The following CHRDL1 variants were observed in gnomAD, a reference collection of about 807,000 sequenced individuals.
The protein encoded by CHRDL1 is chordin like 1.
A neutral mutation model predicts 40.9 loss-of-function variants in CHRDL1; 19 were observed. The observed-to-expected ratio is 0.46, with a 90% CI of 0.32 to 0.68. The LOEUF (loss-of-function observed/expected upper bound fraction) is 0.68, where lower values mean the gene tolerates loss of function less well. Among genes scored for constraint, CHRDL1 ranks in the 30% least tolerant of loss-of-function variants. CHRDL1 has a pLI of 0.03. For synonymous variants in CHRDL1, 136 were observed against 123.4 expected (o/e 1.10, Z -0.68); for missense variants, 329 against 352.1 (o/e 0.93, Z 0.53).
intron 2 of CHRDL1, among the ~76,000 whole-genome samples, chrX:110,775,842 T>C (rs1025624676): frequency 9.0e-6 from 1 of 111,200 alleles, no homozygotes; most frequent in African/African-American, 3.3e-5. Context: ...GAACATTTTA[T>C]ATTATTCCAT....
intron 4 of CHRDL1, among the ~76,000 whole-genome samples, chrX:110,726,164 T>G (rs1172281998): frequency 9.0e-6 from 1 of 111,432 alleles, no homozygotes; most frequent in Non-Finnish European, 1.9e-5. Context: ...GAGCCTGGTC[T>G]CTGGGGTCTG....
intron 2 of CHRDL1, among the ~76,000 whole-genome samples, chrX:110,765,141 T>C (rs1309288491): frequency 9.0e-6 from 1 of 111,190 alleles, no homozygotes; most frequent in Non-Finnish European, 1.9e-5. Flanking sequence ...CTTTGAAGCA[T>C]GTGATCTTGT....
intron 4 of CHRDL1, among the ~76,000 whole-genome samples, chrX:110,755,293 GAA>G (rs1346473201): frequency 9.0e-6 from 1 of 111,298 alleles, no homozygotes. Context: ...AAGTGCTGAT[GAA>G]AAAAAATTTA....
intron 4 of CHRDL1, among the ~76,000 whole-genome samples, chrX:110,733,057 C>T (rs928104427): frequency 2.7e-5 from 3 of 112,279 alleles, no homozygotes; most frequent in Non-Finnish European, 5.6e-5. Flanking sequence ...CCCTGCTTAC[C>T]AAATGCATTC....
chrX:110,686,278 G>A (rs5943051), intron 9 of CHRDL1, among the ~76,000 whole-genome samples: 53,421 of 110,142 alleles, frequency 0.49, 11,245 homozygotes, highest in African/African-American at 0.79. Context: ...TGTTCTCACA[G>A]CTTTTTGATT....
chrX:110,689,791 C>A (rs1267466001), intron 8 of CHRDL1, among the ~76,000 whole-genome samples: 2 of 43,866 alleles, frequency 4.6e-5, no homozygotes, highest in African/African-American at 3.2e-4. Context: ...CTATATATAT[C>A]TATACATCTA....
At chrX:110,743,477 A>G (rs1412905627) in intron 4 of CHRDL1, among the ~76,000 whole-genome samples, 1 of 112,054 alleles carries the variant, frequency 8.9e-6, no homozygotes, top group Non-Finnish European at 1.9e-5. Flanking sequence ...TGAATAATCT[A>G]GATAATCCCA....
At chrX:110,706,082 G>C (rs768980275) in intron 6 of CHRDL1, among the ~76,000 whole-genome samples, 2 of 110,667 alleles carry the variant, frequency 1.8e-5, no homozygotes, top group East Asian at 5.7e-4. Flanking sequence ...AGTCTGTCTG[G>C]ATAGCTGAAA....
At chrX:110,778,157 G>C (rs1352348060) in intron 2 of CHRDL1, among the ~76,000 whole-genome samples, 2 of 111,315 alleles carry the variant, frequency 1.8e-5, no homozygotes, top group African/African-American at 6.5e-5. Flanking sequence ...AACCCTGGAA[G>C]ATAACCTAGG....
At chrX:110,702,300 T>C (rs1177289985) in intron 6 of CHRDL1, among the ~76,000 whole-genome samples, 2 of 111,858 alleles carry the variant, frequency 1.8e-5, no homozygotes, top group Non-Finnish European at 3.8e-5. Flanking sequence ...CCACACCCCA[T>C]AGCTCCCCCA....
At chrX:110,689,612 A>C (rs774097536) in intron 8 of CHRDL1, among the ~76,000 whole-genome samples, 4 of 30,227 alleles carry the variant, frequency 1.3e-4, no homozygotes, top group Non-Finnish European at 1.9e-4. Context: ...ATATCTATAT[A>C]TCTATATATC....
chrX:110,681,405 A>G (rs1160468014), intron 10 of CHRDL1, 77 bp downstream of exon 10: 1 of 918,484 alleles, frequency 1.1e-6, no homozygotes, highest in East Asian at 3.1e-5. Flanking sequence ...AACAGGTTGA[A>G]GCAAAATTAA....
chrX:110,697,406 T>C (rs1008998767), intron 7 of CHRDL1, among the ~76,000 whole-genome samples: 8 of 111,236 alleles, frequency 7.2e-5, no homozygotes, highest in Non-Finnish European at 1.3e-4. Flanking sequence ...AAAGGGAATA[T>C]GGGATCTCTC....
chrX:110,700,672 T>G lies in CHRDL1; in HGVS notation c.591A>C (p.Gln197His). 1 of 1,189,564 alleles carries G rather than the reference T, an allele frequency of 8.4e-7. No homozygotes were observed. The change falls in exon 7 of 12, where the codon CAA (glutamine) becomes CAC (histidine). Residue 197 changes from glutamine to histidine, a missense_variant. Coordinates refer to ENST00000372042, the MANE Select transcript of CHRDL1 (RefSeq NM_001143981.2). ...WEHSDGDIFR[Q>H]PANREARHSY... ...CACTTACTGCTTCTCTGTTGGCAGG[T>G]TGCCGGAAGATATCACCATCAGAAT... is the stretch of plus-strand genomic sequence containing the variant.
At chrX:110,795,524 C>T (rs1173369944) in intron 1 of CHRDL1, among the ~76,000 whole-genome samples, 3 of 110,920 alleles carry the variant, frequency 2.7e-5, no homozygotes, top group Non-Finnish European at 3.8e-5. Context: ...GCTGTGAGTT[C>T]GAATTCAGAG....
chrX:110,714,803 C>T lies in CHRDL1; in HGVS notation c.541+5032G>A, dbSNP rs1052910798. Among the ~76,000 whole-genome samples, 3 of 111,876 alleles carry T rather than the reference C, an allele frequency of 2.7e-5. No individual in the cohort carries two copies. In the East Asian group the frequency reaches 8.4e-4, roughly 31 times the overall value. ...AAGTTCAGCAGTCAAAAGATTATTTCTTCTTCAGTATTTGGCCTGCAGTCA... is the reference window on the plus strand; with the variant it reads ...AAGTTCAGCAGTCAAAAGATTATTTTTTCTTCAGTATTTGGCCTGCAGTCA... On this transcript the variant is annotated intron_variant, in intron 6 of 11. Coordinates refer to ENST00000372042, the MANE Select transcript of CHRDL1 (RefSeq NM_001143981.2).
chrX:110,689,432 CTATATATCTA>C (rs1306989290), intron 8 of CHRDL1, among the ~76,000 whole-genome samples: 6,486 of 72,155 alleles, frequency 0.09, 2,034 homozygotes, highest in African/African-American at 0.47. Flanking sequence ...ATCTATATAT[CTATATATCTA>C]TATATATCTA....
chrX:110,738,531 A>C (rs770193798), intron 4 of CHRDL1, among the ~76,000 whole-genome samples: 1 of 110,478 alleles, frequency 9.1e-6, no homozygotes, highest in Non-Finnish European at 1.9e-5. Context: ...TCACAAGGTC[A>C]AGAGATCGAG....
intron 2 of CHRDL1, among the ~76,000 whole-genome samples, chrX:110,768,645 G>T (rs1442903042): frequency 9.0e-6 from 1 of 110,743 alleles, no homozygotes; most frequent in African/African-American, 3.3e-5. Flanking sequence ...TCCTGCCCTC[G>T]AACATCAGAC....
Sources: allele counts gnomAD v4.1 joint callset (sites outside exome capture counted in the v4.1 genomes callset), GRCh38; gene constraint gnomAD v4.1.1; transcripts MANE v1.5; gene names NCBI Gene and HGNC (gene_info 2026-07-23, HGNC 2026-07-21).